Variants in BRD1 observed in about 807,000 individuals in gnomAD.
BRD1 encodes the protein bromodomain containing 1, also known as bromodomain-containing protein 1.
A neutral mutation model predicts 107.7 loss-of-function variants in BRD1; 24 were observed. The observed-to-expected ratio is 0.22, with a 90% CI of 0.16 to 0.31. BRD1 has a LOEUF of 0.31. BRD1 is among the 10% of genes least tolerant of loss of function. BRD1 has a pLI of 1.00. For synonymous variants in BRD1, 744 were observed against 686.1 expected (o/e 1.08, Z -1.32); for missense variants, 1,279 against 1,638.6 (o/e 0.78, Z 3.79).
chr22:49,816,117 C>T (rs529700824), intron 2 of BRD1, among the ~76,000 whole-genome samples: 1 of 152,318 alleles, frequency 6.6e-6, no homozygotes, highest in South Asian at 2.1e-4. Context: ...TCTCCTGCTT[C>T]AATCCATGCC....
chr22:49,793,767 A>G (rs746227465), intron 7 of BRD1, among the ~76,000 whole-genome samples: 2 of 152,274 alleles, frequency 1.3e-5, no homozygotes, highest in African/African-American at 2.4e-5. Context: ...CAAGTTAAAG[A>G]GAAAAATTTT....
chr22:49,807,104 TCTACA>T (rs2059760984), intron 2 of BRD1: 1 of 151,934 alleles, frequency 6.6e-6, no homozygotes, highest in Non-Finnish European at 1.5e-5. Context: ...TTAAGCCCAG[TCTACA>T]TGCTGACACA....
In BRD1 at chr22:49,823,598, G is replaced by T. The variant is rs200936691; in HGVS notation, c.720C>A (p.Ala240=). Residue 240 remains alanine (A), a synonymous_variant, in exon 2 of 13, where the codon GCC becomes GCA. Coordinates refer to ENST00000404760, the MANE Select transcript of BRD1 (RefSeq NM_001304808.3). ...VILFCDMCNL[A]VHQECYGVPY... ...GCACCCCGTAGCACTCCTGGTGCACGGCCAGGTTGCACATGTCGCAGAAGA... is the reference window on the plus strand; with the variant it reads ...GCACCCCGTAGCACTCCTGGTGCACTGCCAGGTTGCACATGTCGCAGAAGA... The T allele has an allele frequency of 1.9e-6, 3 of 1,607,900 alleles. No individual in the cohort carries two copies. Among genetic ancestry groups the T allele is most frequent in the Non-Finnish European group, 2.6e-6 (3 of 1,176,208 alleles).
At chr22:49,790,589 C>T (rs1399237264) in intron 7 of BRD1, among the ~76,000 whole-genome samples, 1 of 152,188 alleles carries the variant, frequency 6.6e-6, no homozygotes, top group Admixed American at 6.5e-5. Context: ...AGAACAATTC[C>T]GCAATATTTT....
intron 2 of BRD1, among the ~76,000 whole-genome samples, chr22:49,812,939 A>G (rs1334972397): frequency 1.3e-5 from 2 of 152,180 alleles, no homozygotes; most frequent in African/African-American, 4.8e-5. Flanking sequence ...TGCCCTCCCA[A>G]CCGCAGACTG....
chr22:49,820,440 G>A (rs907601474), intron 2 of BRD1, among the ~76,000 whole-genome samples: 3 of 151,934 alleles, frequency 2.0e-5, no homozygotes, highest in African/African-American at 4.8e-5. Flanking sequence ...TGCACATCAA[G>A]AAGCTTCACC....
At chr22:49,788,852 T>C (rs940926975) in intron 7 of BRD1, among the ~76,000 whole-genome samples, 4 of 152,230 alleles carry the variant, frequency 2.6e-5, no homozygotes, top group Non-Finnish European at 5.9e-5. Context: ...ATCCTTAGTA[T>C]ATATTATCAC....
chr22:49,777,703 TGGA>T lies in BRD1; in HGVS notation c.2965_2967del (p.Ser990del). The stretch of plus-strand genomic sequence containing the variant: ...CTCGAGTCGCAGAGCGGGCTGTTGC[TGGA>T]GGAGATGCTGGACTCGGAGGCACAG... On this transcript the variant is annotated inframe_deletion, in exon 9 of 13. Coordinates refer to ENST00000404760, the MANE Select transcript of BRD1 (RefSeq NM_001304808.3). The T allele has an allele frequency of 6.2e-7, 1 of 1,608,460 alleles. No homozygotes were observed. The highest frequency in any genetic ancestry group is 8.5e-7 in the Non-Finnish European group (1 of 1,178,452).
chr22:49,821,137 G>A (rs1156863571), intron 2 of BRD1, among the ~76,000 whole-genome samples: 2 of 152,178 alleles, frequency 1.3e-5, no homozygotes, highest in African/African-American at 2.4e-5. Context: ...TGCAAACACT[G>A]CCTCCTTCAG....
rs1214640700 is a variant in BRD1, at chr22:49,792,640, C to A, written c.2359+1394G>T. Among the ~76,000 whole-genome samples the A allele has an allele frequency of 6.6e-6, 1 of 152,200 alleles. No homozygotes were observed. Among genetic ancestry groups the A allele is most frequent in the African/African-American group, 2.4e-5 (1 of 41,448 alleles). On this transcript the variant is annotated intron_variant, in intron 7 of 12. Coordinates refer to ENST00000404760, the MANE Select transcript of BRD1 (RefSeq NM_001304808.3). This position sits in a 1 kb window ranked among gnomAD's most constrained non-coding sequence, Gnocchi z 4.2. ...ATGGACCTAACGTAATTGACGCCAGCCCCAAAAGAGACATTCTAGAGTCTG... is the reference window on the plus strand; with the variant it reads ...ATGGACCTAACGTAATTGACGCCAGACCCAAAAGAGACATTCTAGAGTCTG...
In BRD1 at chr22:49,799,105, C is replaced by T; in HGVS notation, c.1539G>A (p.Glu513=). The change falls in exon 4 of 13, where the codon GAG becomes GAA. Residue 513 remains glutamate, a synonymous_variant. Transcript: ENST00000404760. ...GCTTCTCTTTGGCAGCCTTCATCTC[C>T]TCATCATTTTCTCTCTGAGAACAGT... ...QRSSQQREND[E]EMKAAKEKLK... The T allele has an allele frequency of 6.2e-7, 1 of 1,608,114 alleles. No homozygotes were observed. Among genetic ancestry groups the T allele is most frequent in the Non-Finnish European group, 8.5e-7 (1 of 1,179,816 alleles).
chr22:49,798,147 A>T, intron 5 of BRD1, 30 bp from the exon 6 acceptor site: 1 of 1,553,738 alleles, frequency 6.4e-7, no homozygotes, highest in Non-Finnish European at 8.8e-7. Flanking sequence ...AGAATCATTT[A>T]CAAACTAAAA....
chr22:49,798,629 G>A lies in BRD1; in HGVS notation c.1714C>T (p.Arg572Cys), dbSNP rs1361287442. Residue 572 changes from arginine (R) to cysteine (C), a missense_variant, in exon 5 of 13, where the codon CGC becomes TGC. By Grantham distance (180) the Arg-to-Cys change is radical. Around this residue, in one of 7 missense-constraint regions of BRD1, gnomAD observed 406 missense variants for 519.4 expected, o/e 0.78. Transcript: ENST00000404760. ...TCTTGCAGCTGGTCCAGCACTGAGCGCAGCAGCACCGTCAGCGGGGTCAGC... is the reference window on the plus strand; with the variant it reads ...TCTTGCAGCTGGTCCAGCACTGAGCACAGCAGCACCGTCAGCGGGGTCAGC... ...LRLTPLTVLL[R>C]SVLDQLQDKD... The A allele has an allele frequency of 6.2e-6, 10 of 1,613,708 alleles. No individual in the cohort carries two copies. The highest frequency in any genetic ancestry group is 3.3e-5 in the Admixed American group (2 of 59,992).
rs1006695367 is a variant in BRD1, at chr22:49,792,543, G to A, written c.2359+1491C>T. Among the ~76,000 whole-genome samples the A allele has an allele frequency of 3.9e-5, 6 of 152,370 alleles. No individual in the cohort carries two copies. The highest frequency in any genetic ancestry group is 9.6e-5 in the African/African-American group (4 of 41,596). On this transcript the variant is annotated intron_variant, in intron 7 of 12. Coordinates refer to ENST00000404760, the MANE Select transcript of BRD1 (RefSeq NM_001304808.3). The surrounding 1 kb of genome is among the most constrained non-coding windows in gnomAD (Gnocchi z 4.2). ...GCCCCCAAAGCAGAGGAGGGATCAC[G>A]TGCCAACAATAACAGCCTTTGGGAG...
At chr22:49,775,846 G>GAGGAGGCTCACAC in intron 11 of BRD1, 101 bp from the exon 12 acceptor site, 1 of 1,232,826 alleles carries the variant, frequency 8.1e-7, no homozygotes, top group Non-Finnish European at 1.0e-6. Flanking sequence ...CCAGCTGTGT[G>GAGGAGGCTCACAC]AGCCTCCTCA....
At chr22:49,780,053 G>A (rs1489582571) in intron 8 of BRD1, among the ~76,000 whole-genome samples, 2 of 152,152 alleles carry the variant, frequency 1.3e-5, no homozygotes, top group Non-Finnish European at 2.9e-5. Context: ...GAGGCTTTTA[G>A]TAGTTACTGG....
chr22:49,787,959 A>G, intron 7 of BRD1, 72 bp from the exon 8 acceptor site: 1 of 1,319,744 alleles, frequency 7.6e-7, no homozygotes, highest in Non-Finnish European at 1.0e-6. Flanking sequence ...CTTACTATAA[A>G]TGTGAAGTCC....
At chr22:49,784,208 C>T (rs2059274695) in intron 8 of BRD1, among the ~76,000 whole-genome samples, 2 of 149,520 alleles carry the variant, frequency 1.3e-5, no homozygotes, top group Non-Finnish European at 3.0e-5. Flanking sequence ...GGGGTCTCCG[C>T]AACGGCGGTG....
rs2059250621 is a variant in BRD1 at position 49,783,294 on chromosome 22, A to G, written c.2857+4096T>C. 6.6e-6 allele frequency among the ~76,000 whole-genome samples: 1 copy of G among 152,266 alleles called. No homozygotes were observed. Among genetic ancestry groups the G allele is most frequent in the South Asian group, 2.1e-4 (1 of 4,838 alleles). On this transcript the variant is annotated intron_variant, in intron 8 of 12. Transcript: ENST00000404760. This position sits in a 1 kb window ranked among gnomAD's most constrained non-coding sequence, Gnocchi z 4.2. ...GCGTGGTGACCAGCAAGAGACAAAC[A>G]GCAGCACTGCTCAAGAATCCACTGG...
Sources: allele counts gnomAD v4.1 joint callset (sites outside exome capture counted in the v4.1 genomes callset), GRCh38; gene constraint gnomAD v4.1.1; regional missense constraint gnomAD v4.1.1; non-coding constraint Gnocchi (gnomAD v3.1); transcripts MANE v1.5; gene names NCBI Gene and HGNC (gene_info 2026-07-23, HGNC 2026-07-21).